Variants in NHSL1 observed in about 807,000 individuals in gnomAD.
NHSL1 encodes NHS-like protein 1.
NHSL1 carries 48 observed loss-of-function variants against 95.0 expected under a neutral mutation model. The ratio of observed to expected loss-of-function variants is 0.51; its 90% CI spans 0.40 to 0.64. The LOEUF (loss-of-function observed/expected upper bound fraction) is 0.64. NHSL1 is among the 30% of genes least tolerant of loss of function. The pLI is 0.00. For missense variants in NHSL1, 1,971 were observed against 2,077.7 expected, an observed-to-expected ratio of 0.95 and a Z score of 1.00; for synonymous variants, 783 against 833.9, an observed-to-expected ratio of 0.94 and a Z score of 1.05.
intron 1 of NHSL1, among the ~76,000 whole-genome samples, chr6:138,510,687 T>A (rs1202151611): frequency 6.6e-6 from 1 of 152,230 alleles, no homozygotes; most frequent in Non-Finnish European, 1.5e-5. Context: ...GCCAAAGACT[T>A]TTTAAGTAAA....
At chr6:138,447,425 G>A (rs1269452995) in intron 3 of NHSL1, among the ~76,000 whole-genome samples, 2 of 152,118 alleles carry the variant, frequency 1.3e-5, no homozygotes, top group Non-Finnish European at 2.9e-5. Context: ...AGGTTCTGCT[G>A]ACCCACAAAA....
At chr6:138,579,507 A>G (rs1404023286) in intron 1 of NHSL1, among the ~76,000 whole-genome samples, 1 of 152,264 alleles carries the variant, frequency 6.6e-6, no homozygotes, top group East Asian at 1.9e-4. Context: ...CACTTTGGGA[A>G]GAAAGAAGCT....
intron 1 of NHSL1, among the ~76,000 whole-genome samples, chr6:138,673,764 G>A (rs1785411629): frequency 6.6e-6 from 1 of 152,196 alleles, no homozygotes; most frequent in Non-Finnish European, 1.5e-5. Flanking sequence ...GCACTTGACA[G>A]GAGTAATTTT....
chr6:138,631,907 A>T (rs747973605), intron 1 of NHSL1, among the ~76,000 whole-genome samples: 1 of 152,128 alleles, frequency 6.6e-6, no homozygotes, highest in African/African-American at 2.4e-5. Flanking sequence ...TAGAGCACCA[A>T]GTGGGCTCTT....
intron 1 of NHSL1, among the ~76,000 whole-genome samples, chr6:138,636,566 T>C (rs927843375): frequency 2.6e-5 from 4 of 152,194 alleles, no homozygotes; most frequent in Non-Finnish European, 5.9e-5. Flanking sequence ...TTCAGTAAAG[T>C]TGCAGGACAC....
chr6:138,588,825 GACTTTTA>G (rs1176375953), intron 1 of NHSL1, among the ~76,000 whole-genome samples: 6 of 152,178 alleles, frequency 3.9e-5, no homozygotes, highest in Non-Finnish European at 8.8e-5. Flanking sequence ...TTAGAAATAA[GACTTTTA>G]ACGGCTTCTT....
At chr6:138,481,928 C>T (rs1779437561) in intron 2 of NHSL1, among the ~76,000 whole-genome samples, 1 of 152,184 alleles carries the variant, frequency 6.6e-6, no homozygotes, top group Non-Finnish European at 1.5e-5. Flanking sequence ...AGAGAAAATA[C>T]ATGTCTTTAA....
intron 1 of NHSL1, among the ~76,000 whole-genome samples, chr6:138,620,002 A>G (rs1174984336): frequency 6.6e-6 from 1 of 151,974 alleles, no homozygotes; most frequent in Non-Finnish European, 1.5e-5. Flanking sequence ...CTCAAACAAA[A>G]GCAAAAACAA....
chr6:138,650,878 C>T (rs139868377), intron 1 of NHSL1: 4 of 540,850 alleles, frequency 7.4e-6, no homozygotes, highest in South Asian at 5.5e-5. Context: ...GCTGGGGCCT[C>T]GGGCCTTGGA....
chr6:138,671,248 G>A (rs1385519698), intron 1 of NHSL1, among the ~76,000 whole-genome samples: 1 of 152,034 alleles, frequency 6.6e-6, no homozygotes, highest in Admixed American at 6.5e-5. Context: ...CTTAAGGTCA[G>A]GAGTTCGAGA....
At chr6:138,608,811 T>C (rs1784469627) in intron 1 of NHSL1, among the ~76,000 whole-genome samples, 1 of 152,206 alleles carries the variant, frequency 6.6e-6, no homozygotes, top group Non-Finnish European at 1.5e-5. Context: ...TATACAAATA[T>C]ATTCAAAGAT....
At position 138,424,020 on chromosome 6, in the gene NHSL1, T is replaced by C; in HGVS notation, c.*61A>G. The C allele has an allele frequency of 1.5e-6, 2 of 1,300,192 alleles. No individual in the cohort carries two copies. Among genetic ancestry groups the C allele is most frequent in the Non-Finnish European group, 1.9e-6 (2 of 1,026,528 alleles). 80.5% of individuals were successfully genotyped at this position (1,300,192 alleles called of 1,614,324 possible). A position where few individuals can be genotyped will look rare whatever the true frequency, so the allele number is the denominator to read the frequency against. On this transcript the variant is annotated 3_prime_UTR_variant, in exon 8 of 8. Coordinates refer to ENST00000343505, the MANE Select transcript of NHSL1 (RefSeq NM_001144060.2). This position sits in a 1 kb window ranked among gnomAD's most constrained non-coding sequence, Gnocchi z 5.9. Reference sequence around the variant, plus strand: ...GCCAGGGAAGGGCGCCTAGCAGGCTTCCTAGAGTGCTGCATTGCTCGTCTC... The same window carrying C: ...GCCAGGGAAGGGCGCCTAGCAGGCTCCCTAGAGTGCTGCATTGCTCGTCTC...
At chr6:138,671,509 A>G (rs1254780756) in intron 1 of NHSL1, among the ~76,000 whole-genome samples, 7 of 152,100 alleles carry the variant, frequency 4.6e-5, no homozygotes, top group African/African-American at 1.7e-4. Context: ...GTAAACCAAG[A>G]AAGTGATTAG....
chr6:138,484,963 G>T (rs116759056), intron 2 of NHSL1, among the ~76,000 whole-genome samples: 1,888 of 152,288 alleles, frequency 0.012, 50 homozygotes, highest in African/African-American at 0.043. Context: ...AACTAAATCT[G>T]ATTTAAATTA....
chr6:138,456,883 CTTT>C (rs113834827), intron 3 of NHSL1, among the ~76,000 whole-genome samples: 1 of 144,702 alleles, frequency 6.9e-6, no homozygotes, highest in African/African-American at 2.5e-5. Context: ...TTCTTTCTTT[CTTT>C]TTTTTTTTTT....
At chr6:138,425,783 C>T (rs961566613) in intron 7 of NHSL1, among the ~76,000 whole-genome samples, 2 of 152,172 alleles carry the variant, frequency 1.3e-5, no homozygotes, top group African/African-American at 4.8e-5. Context: ...AAGTTGCCGT[C>T]AGACCAGTCT....
At chr6:138,478,088 G>A (rs1779199234) in intron 2 of NHSL1, among the ~76,000 whole-genome samples, 1 of 129,890 alleles carries the variant, frequency 7.7e-6, no homozygotes, top group Non-Finnish European at 1.5e-5. Context: ...AGAGTGCAAT[G>A]GTGCAACCTC....
intron 1 of NHSL1, among the ~76,000 whole-genome samples, chr6:138,609,673 C>A (rs1203682585): frequency 2.0e-5 from 3 of 146,758 alleles, no homozygotes; most frequent in African/African-American, 7.6e-5. Context: ...TGGCGTGAAC[C>A]CGGGAGGCAG....
At chr6:138,457,743 C>T (rs1054592547) in intron 3 of NHSL1, among the ~76,000 whole-genome samples, 7 of 152,128 alleles carry the variant, frequency 4.6e-5, no homozygotes, top group Non-Finnish European at 1.0e-4. Flanking sequence ...CTCCTACACA[C>T]TCTATATTTA....
Sources: gnomAD v4.1 joint callset for allele counts (sites outside exome capture counted in the v4.1 genomes callset) on GRCh38, gnomAD v4.1.1 for gene constraint, Gnocchi (gnomAD v3.1) non-coding constraint, MANE v1.5 for transcripts, NCBI Gene and HGNC (gene_info 2026-07-23, HGNC 2026-07-21) for gene names.